The following KDM4C variants were observed in gnomAD, a reference collection of about 807,000 sequenced individuals.
The protein encoded by KDM4C is lysine demethylase 4C.
KDM4C carries 81 observed loss-of-function variants against 129.3 expected under a neutral mutation model. The observed-to-expected ratio is 0.63, with a 90% confidence interval of 0.52 to 0.75. The LOEUF (loss-of-function observed/expected upper bound fraction) is 0.75, where lower values mean the gene tolerates loss of function less well. Among genes scored for constraint, KDM4C ranks in the 30% least tolerant of loss-of-function variants. KDM4C has a pLI of 0.00. For missense variants in KDM4C, 1,457 were observed against 1,304.0 expected, an observed-to-expected ratio of 1.12 and a Z score of -1.81; for synonymous variants, 573 against 456.1, an observed-to-expected ratio of 1.26 and a Z score of -3.26.
chr9:6,927,191 A>G lies in KDM4C; in HGVS notation c.921+33959A>G, dbSNP rs558521807. Among the ~76,000 whole-genome samples, 49 of 151,728 alleles carry G rather than the reference A, an allele frequency of 3.2e-4. 1 individual carries two copies. Among genetic ancestry groups the G allele is most frequent in the Admixed American group, 3.2e-3 (49 of 15,248 alleles). ...GTTGCCCTGGCTGTAGTGCAGTGGC[A>G]TGGTCTTGGCTCACTGCAACCTCCT... On this transcript the variant is annotated intron_variant, in intron 8 of 21. Transcript: ENST00000381309.
chr9:7,127,980 T>G lies in KDM4C; in HGVS notation c.2611-86T>G, dbSNP rs898498950. 4.3e-6 allele frequency: 5 copies of G among 1,164,920 alleles called. No individual in the cohort carries two copies. In the Middle Eastern group the frequency reaches 8.5e-4, roughly 199 times the overall value. 72.2% of individuals were successfully genotyped at this position (1,164,920 alleles called of 1,614,324 possible). On this transcript the variant is annotated intron_variant, in intron 18 of 21. Coordinates refer to ENST00000381309, the MANE Select transcript of KDM4C (RefSeq NM_015061.6). ...AAATCTTGGCCAAATAAATGATTGT[T>G]TTTCAAATGAATATTTTTTATTTTA...
At chr9:6,729,951 T>A (rs62566470) in intron 1 of KDM4C, among the ~76,000 whole-genome samples, 15,110 of 132,588 alleles carry the variant, frequency 0.11, 3,067 homozygotes, top group Middle Eastern at 0.15. Context: ...CTCTACTAAA[T>A]ATACAAAAAT....
chr9:7,107,984 C>T (rs2133191349), intron 18 of KDM4C, among the ~76,000 whole-genome samples: 1 of 152,240 alleles, frequency 6.6e-6, no homozygotes, highest in East Asian at 1.9e-4. Flanking sequence ...AGAACGAGAA[C>T]TTGTATTTAT....
chr9:7,015,986 C>G, intron 15 of KDM4C, 57 bp downstream of exon 15: 1 of 1,248,164 alleles, frequency 8.0e-7, no homozygotes, highest in Non-Finnish European at 1.2e-6. Context: ...CCACTGTGGA[C>G]ACATTTAAGT....
intron 1 of KDM4C, among the ~76,000 whole-genome samples, chr9:6,784,396 T>A (rs139199194): frequency 0.015 from 2,327 of 152,000 alleles, 65 homozygotes; most frequent in African/African-American, 0.053. Flanking sequence ...GCCTGGCTAA[T>A]TTTTTTTGTA....
At chr9:7,015,785 T>G in intron 14 of KDM4C, 68 bp from the exon 15 acceptor site, 1 of 1,033,866 alleles carries the variant, frequency 9.7e-7, no homozygotes, top group Non-Finnish European at 1.5e-6. Flanking sequence ...TTTATTTCAG[T>G]ACTGAGATCT....
intron 8 of KDM4C, among the ~76,000 whole-genome samples, chr9:6,899,540 GGGGT>G (rs1259762878): frequency 1.5e-3 from 100 of 64,662 alleles, no homozygotes; most frequent in African/African-American, 4.2e-3. Flanking sequence ...CTTTTCCATG[GGGGT>G]GTGTGTGTGT....
At chr9:7,020,013 G>C (rs1348066240) in intron 15 of KDM4C, among the ~76,000 whole-genome samples, 1 of 151,964 alleles carries the variant, frequency 6.6e-6, no homozygotes, top group African/African-American at 2.4e-5. Flanking sequence ...AGATCATAGT[G>C]ATGTGGGCTG....
intron 8 of KDM4C, among the ~76,000 whole-genome samples, chr9:6,904,243 A>G (rs1052723042): frequency 1.3e-5 from 2 of 152,078 alleles, no homozygotes; most frequent in Non-Finnish European, 2.9e-5. Context: ...CATCTCAAAA[A>G]AAAGAAAAAA....
intron 5 of KDM4C, among the ~76,000 whole-genome samples, chr9:6,865,100 C>G (rs1310106915): frequency 6.7e-6 from 1 of 149,970 alleles, no homozygotes; most frequent in Non-Finnish European, 1.5e-5. Flanking sequence ...GCTCTGCCTC[C>G]CGGGTTCAAG....
rs144066568 is a variant in KDM4C at position 6,785,078 on chromosome 9, C to T, written c.-17-7894C>T. Among the ~76,000 whole-genome samples the T allele has an allele frequency of 1.1e-3, 164 of 152,290 alleles. 1 individual carries two copies. Among genetic ancestry groups the T allele is most frequent in the African/African-American group, 3.7e-3 (152 of 41,570 alleles). On this transcript the variant is annotated intron_variant, in intron 1 of 21. Transcript: ENST00000381309. ...TATTAGTTACCTAGGGCTAATGTAA[C>T]TAATTATCACAAACTGGGATGGTTT...
chr9:6,748,305 C>T (rs1370117835), intron 1 of KDM4C, among the ~76,000 whole-genome samples: 2 of 151,948 alleles, frequency 1.3e-5, no homozygotes, highest in Non-Finnish European at 2.9e-5. Flanking sequence ...GTCGGGAGTT[C>T]AAGACCAGCC....
intron 2 of KDM4C, among the ~76,000 whole-genome samples, chr9:6,793,492 C>G (rs2130883774): frequency 6.6e-6 from 1 of 151,406 alleles, no homozygotes; most frequent in Non-Finnish European, 1.5e-5. Flanking sequence ...ACCACAATTT[C>G]TCTCTCCTAT....
intron 8 of KDM4C, among the ~76,000 whole-genome samples, chr9:6,957,175 T>C (rs150706340): frequency 0.011 from 1,703 of 152,322 alleles, 25 homozygotes; most frequent in African/African-American, 0.037. Context: ...TTGTAATGCC[T>C]TGCAAACACA....
intron 8 of KDM4C, among the ~76,000 whole-genome samples, chr9:6,957,619 C>A (rs1040632964): frequency 6.6e-6 from 1 of 152,038 alleles, no homozygotes; most frequent in African/African-American, 2.4e-5. Context: ...GCTGCTGTTT[C>A]TCTGTGTTGT....
intron 17 of KDM4C, among the ~76,000 whole-genome samples, chr9:7,056,200 C>G (rs928172600): frequency 5.3e-5 from 8 of 152,272 alleles, no homozygotes; most frequent in African/African-American, 1.7e-4. Context: ...AGGTACTATA[C>G]TACAGATGAC....
At chr9:7,013,721 T>C (rs971362167) in intron 13 of KDM4C, 67 bp from the exon 14 acceptor site, 1 of 1,466,178 alleles carries the variant, frequency 6.8e-7, no homozygotes, top group African/African-American at 1.4e-5. Flanking sequence ...GTTAGTGGAT[T>C]TGAGTGACTA....
chr9:6,980,115 AG>A (rs1816513889), intron 8 of KDM4C, among the ~76,000 whole-genome samples: 1 of 152,206 alleles, frequency 6.6e-6, no homozygotes, highest in Non-Finnish European at 1.5e-5. Context: ...GGGATTGTCA[AG>A]GTCTATCAGT....
At chr9:7,008,585 T>C (rs530482460) in intron 12 of KDM4C, among the ~76,000 whole-genome samples, 2 of 152,300 alleles carry the variant, frequency 1.3e-5, no homozygotes, top group East Asian at 3.9e-4. Context: ...GACCCTGGCA[T>C]TGGGCCAACT....
Sources: gnomAD v4.1 joint callset for allele counts (sites outside exome capture counted in the v4.1 genomes callset) on GRCh38, gnomAD v4.1.1 for gene constraint, MANE v1.5 for transcripts, NCBI Gene and HGNC (gene_info 2026-07-23, HGNC 2026-07-21) for gene names.